Variants in COL25A1 observed in about 807,000 individuals in gnomAD.
COL25A1 encodes collagen type XXV alpha 1 chain.
COL25A1 carries 103 observed loss-of-function variants against 128.4 expected under a neutral mutation model. That is an observed-to-expected ratio of 0.80 (90% CI 0.68 to 0.94). The LOEUF is 0.94. Among genes scored for constraint, COL25A1 ranks in the 40% least tolerant of loss-of-function variants. The pLI is 0.00. For synonymous variants in COL25A1, 279 were observed against 277.2 expected (o/e 1.01, Z -0.06); for missense variants, 745 against 840.0 (o/e 0.89, Z 1.40).
chr4:108,890,286 A>C (rs957342461), intron 16 of COL25A1, among the ~76,000 whole-genome samples: 9 of 152,202 alleles, frequency 5.9e-5, no homozygotes, highest in African/African-American at 1.9e-4. Context: ...GCACTGTCAC[A>C]GATACAATGG....
intron 3 of COL25A1, among the ~76,000 whole-genome samples, chr4:109,276,183 G>A (rs1722818529): frequency 6.6e-6 from 1 of 152,120 alleles, no homozygotes; most frequent in African/African-American, 2.4e-5. Context: ...GGCTGAGGCG[G>A]GTGGATCACC....
chr4:109,097,289 C>A (rs1441168209), intron 3 of COL25A1, among the ~76,000 whole-genome samples: 1 of 152,116 alleles, frequency 6.6e-6, no homozygotes, highest in Non-Finnish European at 1.5e-5. Context: ...TTAACACTTA[C>A]AAGTGAGCCA....
At chr4:109,109,240 C>A (rs1190884025) in intron 3 of COL25A1, among the ~76,000 whole-genome samples, 1 of 152,098 alleles carries the variant, frequency 6.6e-6, no homozygotes. Context: ...AGATGTGCAC[C>A]ATCACACCTG....
At chr4:108,844,884 C>G (rs190870948) in intron 29 of COL25A1, among the ~76,000 whole-genome samples, 1 of 152,180 alleles carries the variant, frequency 6.6e-6, no homozygotes, top group Admixed American at 6.5e-5. Flanking sequence ...ATAAGCAGGG[C>G]TCTGGAGAAA....
At chr4:108,952,702 G>T (rs1749584229) in intron 8 of COL25A1, among the ~76,000 whole-genome samples, 1 of 152,050 alleles carries the variant, frequency 6.6e-6, no homozygotes. Context: ...TCCATTTTCT[G>T]AAAGGAAACA....
chr4:109,060,599 T>C (rs764798130), intron 3 of COL25A1, among the ~76,000 whole-genome samples: 8 of 151,938 alleles, frequency 5.3e-5, no homozygotes, highest in Non-Finnish European at 1.0e-4. Context: ...TTTTCACATC[T>C]CTGAATGTCT....
chr4:109,110,439 T>C (rs780685948), intron 3 of COL25A1, among the ~76,000 whole-genome samples: 1 of 152,130 alleles, frequency 6.6e-6, no homozygotes, highest in Admixed American at 6.5e-5. Flanking sequence ...TCATGTCCTT[T>C]ACCTTCTTCT....
chr4:108,875,669 C>T (rs1235307984), intron 19 of COL25A1, among the ~76,000 whole-genome samples: 1 of 152,148 alleles, frequency 6.6e-6, no homozygotes, highest in African/African-American at 2.4e-5. Context: ...CCTCAAGGAT[C>T]TAGAACTAGA....
chr4:109,007,135 A>G (rs1221156247), intron 6 of COL25A1, among the ~76,000 whole-genome samples: 1 of 152,224 alleles, frequency 6.6e-6, no homozygotes, highest in African/African-American at 2.4e-5. Flanking sequence ...AGTCAGTTTA[A>G]GGTCCACTTT....
chr4:108,889,201 A>G lies in COL25A1; in HGVS notation c.975+20T>C, dbSNP rs1741171937. 1.9e-6 allele frequency: 3 copies of G among 1,608,612 alleles called. No homozygotes were observed. In the East Asian group the frequency reaches 6.7e-5, roughly 36 times the overall value. ...GGTGAATATGAGACAGTAGGAACAC[A>G]CTAGAGATAGAGATATTACCTTTTG... is the stretch of plus-strand genomic sequence containing the variant. On this transcript the variant is annotated intron_variant, in intron 18 of 37. Transcript: ENST00000399132.
chr4:109,026,571 T>C (rs930096311), intron 5 of COL25A1, among the ~76,000 whole-genome samples: 1 of 152,176 alleles, frequency 6.6e-6, no homozygotes, highest in Non-Finnish European at 1.5e-5. Flanking sequence ...GGTGTGGGAT[T>C]GATAGGGAAT....
intron 3 of COL25A1, among the ~76,000 whole-genome samples, chr4:109,081,829 G>C (rs566329058): frequency 6.6e-6 from 1 of 151,704 alleles, no homozygotes; most frequent in African/African-American, 2.4e-5. Flanking sequence ...TCAGCCTTCT[G>C]AGCAGCTGGG....
intron 8 of COL25A1, among the ~76,000 whole-genome samples, chr4:108,966,691 A>G (rs1578919057): frequency 6.6e-6 from 1 of 151,958 alleles, no homozygotes; most frequent in East Asian, 1.9e-4. Flanking sequence ...CTCTACTAAA[A>G]ATTAAAAAAA....
chr4:109,184,779 T>C (rs1774984533), intron 3 of COL25A1, among the ~76,000 whole-genome samples: 1 of 152,210 alleles, frequency 6.6e-6, no homozygotes, highest in African/African-American at 2.4e-5. Context: ...TTCCTGTCCA[T>C]TGCTTGAAAT....
chr4:109,151,342 T>C (rs921052148), intron 3 of COL25A1, among the ~76,000 whole-genome samples: 2 of 152,094 alleles, frequency 1.3e-5, no homozygotes, highest in Admixed American at 6.6e-5. Flanking sequence ...GTATCTCTTC[T>C]AAGACACACT....
intron 3 of COL25A1, among the ~76,000 whole-genome samples, chr4:109,208,838 G>A (rs541858564): frequency 3.7e-4 from 56 of 152,232 alleles, no homozygotes; most frequent in African/African-American, 1.3e-3. Context: ...CCCTGAAGAG[G>A]ATCATTCTCC....
At chr4:108,817,791 C>T (rs923230601) in intron 36 of COL25A1, among the ~76,000 whole-genome samples, 14 of 152,184 alleles carry the variant, frequency 9.2e-5, no homozygotes, top group Non-Finnish European at 1.8e-4. Flanking sequence ...ATCTCTATTA[C>T]GTAAACCAAA....
rs570492396 is a variant in COL25A1 at position 109,092,606 on chromosome 4, A to G, written c.368-42427T>C. The stretch of plus-strand genomic sequence containing the variant: ...TCACCTTCTTACTCTCTTAGAAGTT[A>G]TCTTGAATTCTAAGGTACTTGTACT... On this transcript the variant is annotated intron_variant, in intron 3 of 37. Transcript: ENST00000399132. 2.0e-5 allele frequency among the ~76,000 whole-genome samples: 3 copies of G among 152,332 alleles called. No homozygotes were observed. In the East Asian group the frequency reaches 5.8e-4, roughly 29 times the overall value.
intron 6 of COL25A1, among the ~76,000 whole-genome samples, chr4:108,983,877 G>A (rs1271665099): frequency 2.0e-5 from 3 of 152,144 alleles, no homozygotes; most frequent in African/African-American, 4.8e-5. Context: ...GCAGCAGCAG[G>A]ATTTATTGCA....
Sources: gnomAD v4.1 joint callset for allele counts (sites outside exome capture counted in the v4.1 genomes callset) on GRCh38, gnomAD v4.1.1 for gene constraint, MANE v1.5 for transcripts, NCBI Gene and HGNC (gene_info 2026-07-23, HGNC 2026-07-21) for gene names.